The following NBAS variants were observed in gnomAD, a reference collection of about 807,000 sequenced individuals.
The protein encoded by NBAS is NBAS subunit of NRZ tethering complex.
In NBAS, 219 loss-of-function variants were observed where a neutral mutation model predicts 302.5. The ratio of observed to expected loss-of-function variants is 0.72; its 90% CI spans 0.65 to 0.81. The LOEUF (loss-of-function observed/expected upper bound fraction) is 0.81, where lower values mean the gene tolerates loss of function less well. NBAS is among the 30% of genes least tolerant of loss of function. NBAS has a pLI of 0.00. For missense variants in NBAS, 2,932 were observed against 2,841.6 expected (o/e 1.03, Z -0.72); for synonymous variants, 1,118 against 1,021.6 (o/e 1.09, Z -1.80).
chr2:15,428,348 T>C (rs1339991426), intron 21 of NBAS, among the ~76,000 whole-genome samples: 1 of 152,178 alleles, frequency 6.6e-6, no homozygotes, highest in Non-Finnish European at 1.5e-5. Flanking sequence ...GTGGCTACCA[T>C]ATTAGATAGC....
At chr2:15,522,612 A>T (rs1212284786) in intron 9 of NBAS, among the ~76,000 whole-genome samples, 2 of 152,220 alleles carry the variant, frequency 1.3e-5, no homozygotes, top group African/African-American at 4.8e-5. Context: ...GGCTGCCTAT[A>T]AAAATATATA....
the NBAS span, among the ~76,000 whole-genome samples, chr2:14,940,580 G>A: frequency 3.2e-4 from 48 of 152,282 alleles, no homozygotes; most frequent in African/African-American, 1.1e-3. Context: ...CAGCAGAATC[G>A]TAAACTCTCC....
the NBAS span, among the ~76,000 whole-genome samples, chr2:15,034,253 A>AAAGAAAGAAAGG: frequency 1.0e-5 from 1 of 95,582 alleles, no homozygotes; most frequent in Non-Finnish European, 2.2e-5. Context: ...AGAAAGAAAG[A>AAAGAAAGAAAGG]AAGAAAGAAA....
chr2:15,291,494 A>C (rs1171293343), intron 41 of NBAS, among the ~76,000 whole-genome samples: 1 of 152,208 alleles, frequency 6.6e-6, no homozygotes, highest in Non-Finnish European at 1.5e-5. Context: ...CCAACTTCTG[A>C]CATGTAAATA....
At chr2:15,512,431 G>GC (rs1188951572) in intron 9 of NBAS, among the ~76,000 whole-genome samples, 2 of 152,174 alleles carry the variant, frequency 1.3e-5, no homozygotes, top group East Asian at 3.9e-4. Context: ...CAACACAATG[G>GC]CCCCCAAAAG....
chr2:14,902,606 G>A, the NBAS span, among the ~76,000 whole-genome samples: 4 of 152,194 alleles, frequency 2.6e-5, no homozygotes, highest in Non-Finnish European at 5.9e-5. Flanking sequence ...ATTGCTTCCT[G>A]TCTTAAATGT....
Position 15,309,245 on chromosome 2 carries a change from G to T in NBAS, c.4585C>A (p.Leu1529Ile). 1.2e-6 allele frequency: 2 copies of T among 1,610,442 alleles called. No homozygotes were observed. Among genetic ancestry groups the T allele is most frequent in the South Asian group, 1.1e-5 (1 of 90,916 alleles). Residue 1529 changes from leucine (L) to isoleucine (I), a missense_variant and splice_region_variant, in exon 39 of 52, where the codon CTC (leucine) becomes ATC (isoleucine). Leu to Ile is a conservative substitution (Grantham distance 5). Coordinates refer to ENST00000281513, the MANE Select transcript of NBAS (RefSeq NM_015909.4). ...KGEVFPTTEV[L>I]LQLASEALPN... is the part of the protein sequence containing the mutation. Reference sequence around the variant, plus strand: ...AAGGCTTCACTTGCTAGTTGCAAGAGAACTGAATGCAGAAAAAGAAACATT... The same window carrying T: ...AAGGCTTCACTTGCTAGTTGCAAGATAACTGAATGCAGAAAAAGAAACATT...
chr2:15,488,502 A>G (rs1360574829), intron 12 of NBAS, among the ~76,000 whole-genome samples: 1 of 152,184 alleles, frequency 6.6e-6, no homozygotes, highest in Non-Finnish European at 1.5e-5. Context: ...GGAGGCCCCA[A>G]ATAACTAGTG....
intron 25 of NBAS, among the ~76,000 whole-genome samples, chr2:15,403,763 G>T (rs188800614): frequency 5.3e-5 from 8 of 152,096 alleles, no homozygotes; most frequent in Admixed American, 4.6e-4. Context: ...GTTGCAAAGT[G>T]ACTAACTGGT....
intron 15 of NBAS, 107 bp downstream of exon 15, chr2:15,473,960 C>G: frequency 7.5e-7 from 1 of 1,341,656 alleles, no homozygotes; most frequent in South Asian, 1.2e-5. Flanking sequence ...TGTCAATGAT[C>G]CAACATCCCT....
At chr2:14,855,836 G>C in the NBAS span, among the ~76,000 whole-genome samples, 1 of 152,190 alleles carries the variant, frequency 6.6e-6, no homozygotes, top group African/African-American at 2.4e-5. Flanking sequence ...CTTAGGGCTT[G>C]TGAGACCTCA....
intron 44 of NBAS, among the ~76,000 whole-genome samples, chr2:15,265,598 T>C (rs1669041593): frequency 6.6e-6 from 1 of 152,162 alleles, no homozygotes; most frequent in South Asian, 2.1e-4. Flanking sequence ...TAGGGTTCGG[T>C]AACAACAAAG....
intron 42 of NBAS, among the ~76,000 whole-genome samples, chr2:15,285,022 T>A (rs761390702): frequency 1.3e-5 from 2 of 152,150 alleles, no homozygotes. Flanking sequence ...ACAACATCCT[T>A]TTACGTAACA....
At chr2:15,398,136 T>TTGTTG (rs1675962622) in intron 26 of NBAS, among the ~76,000 whole-genome samples, 1 of 90,230 alleles carries the variant, frequency 1.1e-5, no homozygotes, top group Admixed American at 1.1e-4. Flanking sequence ...TTTGTTTGTT[T>TTGTTG]TGTTTTGTTT....
intron 21 of NBAS, among the ~76,000 whole-genome samples, chr2:15,458,419 G>A (rs551737922): frequency 1.6e-4 from 25 of 152,288 alleles, no homozygotes; most frequent in Admixed American, 4.6e-4. Context: ...CATGAGGGCA[G>A]ATCCCTCATT....
At chr2:14,794,252 C>T in the NBAS span, among the ~76,000 whole-genome samples, 7 of 152,238 alleles carry the variant, frequency 4.6e-5, no homozygotes, top group South Asian at 2.1e-4. Context: ...CCGCTGGGCG[C>T]GCATCCTTAA....
At chr2:15,060,319 C>G in the NBAS span, among the ~76,000 whole-genome samples, 1 of 152,150 alleles carries the variant, frequency 6.6e-6, no homozygotes, top group Admixed American at 6.5e-5. Context: ...CCATGCAGCT[C>G]GAGTCTCAGG....
intron 44 of NBAS, among the ~76,000 whole-genome samples, chr2:15,260,827 A>G (rs1044485683): frequency 6.6e-6 from 1 of 152,160 alleles, no homozygotes; most frequent in African/African-American, 2.4e-5. Flanking sequence ...ATATATATAC[A>G]CAGACATATT....
rs527758439 is a variant in NBAS, at chr2:15,343,577, TAAAG to T, written c.4179+8411_4179+8414del. Reference sequence around the variant, plus strand: ...CTAAGAAAGAATAAGTATCATAAGATAAAGAAAACAAAACAAACATTATTCTATT... The same window carrying T: ...CTAAGAAAGAATAAGTATCATAAGATAAAACAAAACAAACATTATTCTATT... On this transcript the variant is annotated intron_variant, in intron 35 of 51. Coordinates refer to ENST00000281513, the MANE Select transcript of NBAS (RefSeq NM_015909.4). Among the ~76,000 whole-genome samples, 16 of 152,204 alleles carry T rather than the reference TAAAG, an allele frequency of 1.1e-4. No homozygotes were observed. The South Asian group carries it at 1.2e-3, about 12-fold the overall frequency.
Sources: gnomAD v4.1 joint callset for allele counts (sites outside exome capture counted in the v4.1 genomes callset) on GRCh38, gnomAD v4.1.1 for gene constraint, MANE v1.5 for transcripts, NCBI Gene and HGNC (gene_info 2026-07-23, HGNC 2026-07-21) for gene names.